The following PPP1R12A variants were observed in gnomAD, a reference collection of about 807,000 sequenced individuals.
The protein encoded by PPP1R12A is protein phosphatase 1 regulatory subunit 12A.
A neutral mutation model predicts 139.6 loss-of-function variants in PPP1R12A; 19 were observed. The ratio of observed to expected loss-of-function variants is 0.14; its 90% CI spans 0.09 to 0.20. The LOEUF (loss-of-function observed/expected upper bound fraction) is 0.20. Ranked by LOEUF, PPP1R12A falls within the 10% of genes least tolerant of loss-of-function variation. The pLI is 1.00. For synonymous variants in PPP1R12A, 427 were observed against 420.6 expected, an observed-to-expected ratio of 1.02 and a Z score of -0.19; for missense variants, 925 against 1,211.5, an observed-to-expected ratio of 0.76 and a Z score of 3.51.
intron 13 of PPP1R12A, 90 bp from the exon 14 acceptor site, chr12:79,805,858 A>G: frequency 1.5e-6 from 2 of 1,328,510 alleles, no homozygotes; most frequent in Non-Finnish European, 2.0e-6. Flanking sequence ...ACACATGACT[A>G]CAGGGATGGA....
chr12:79,864,496 G>T (rs566195667), intron 2 of PPP1R12A, among the ~76,000 whole-genome samples: 1 of 151,988 alleles, frequency 6.6e-6, no homozygotes, highest in African/African-American at 2.4e-5. Context: ...GATCAGAGCA[G>T]AACTGAAGAA....
intron 1 of PPP1R12A, among the ~76,000 whole-genome samples, chr12:79,895,987 G>A (rs2137446464): frequency 8.4e-6 from 1 of 118,656 alleles, no homozygotes; most frequent in Non-Finnish European, 1.9e-5. Context: ...TAAAGAAATG[G>A]TGAAGGTTAA....
At chr12:79,855,431 G>A (rs541912394) in intron 2 of PPP1R12A, among the ~76,000 whole-genome samples, 4 of 152,150 alleles carry the variant, frequency 2.6e-5, no homozygotes, top group South Asian at 2.1e-4. Context: ...ATAGTGCTGC[G>A]ATGAACATAT....
At position 79,802,554 on chromosome 12, in the gene PPP1R12A, G is replaced by A. The variant is rs558512041; in HGVS notation, c.2000+3038C>T. On this transcript the variant is annotated intron_variant, in intron 14 of 24. Coordinates refer to ENST00000450142, the MANE Select transcript of PPP1R12A (RefSeq NM_002480.3). ...TTCCAGCACGCTGGGAGGTCAAGGT[G>A]GGAAGACTGCTTGTGGCCAGGAGTT... Among the ~76,000 whole-genome samples the A allele has an allele frequency of 2.9e-4, 44 of 152,266 alleles. 1 individual carries two copies. Among genetic ancestry groups the A allele is most frequent in the Non-Finnish European group, 5.7e-4 (39 of 68,016 alleles).
chr12:79,866,322 A>G (rs1203330987), intron 2 of PPP1R12A, among the ~76,000 whole-genome samples: 1 of 152,234 alleles, frequency 6.6e-6, no homozygotes. Flanking sequence ...AAATCAACTC[A>G]AGATGGATCA....
chr12:79,837,361 G>T (rs1358703210), intron 3 of PPP1R12A, among the ~76,000 whole-genome samples: 3 of 151,852 alleles, frequency 2.0e-5, no homozygotes, highest in South Asian at 4.2e-4. Flanking sequence ...GATAAATAAA[G>T]AAAATAATTA....
chr12:79,919,695 C>T (rs973844513), intron 1 of PPP1R12A, among the ~76,000 whole-genome samples: 1 of 152,052 alleles, frequency 6.6e-6, no homozygotes, highest in Non-Finnish European at 1.5e-5. Context: ...CTATACACTC[C>T]AGTAGACTAC....
intron 5 of PPP1R12A, among the ~76,000 whole-genome samples, chr12:79,827,295 C>G (rs990993110): frequency 1.3e-5 from 2 of 151,910 alleles, no homozygotes; most frequent in African/African-American, 4.8e-5. Flanking sequence ...ATTTTCATGC[C>G]TGCACATTTC....
chr12:79,784,577 C>T (rs1038178959), intron 22 of PPP1R12A, among the ~76,000 whole-genome samples: 1 of 152,156 alleles, frequency 6.6e-6, no homozygotes, highest in Non-Finnish European at 1.5e-5. Flanking sequence ...CATTAAGTAG[C>T]GGAGACACAG....
At chr12:79,872,726 C>T in intron 2 of PPP1R12A, 82 bp downstream of exon 2, 1 of 1,400,698 alleles carries the variant, frequency 7.1e-7, no homozygotes, top group Non-Finnish European at 9.8e-7. Flanking sequence ...TAAGAGTTCA[C>T]TCATTTATCT....
chr12:79,874,692 C>T (rs1028149505), intron 1 of PPP1R12A, among the ~76,000 whole-genome samples: 1 of 151,926 alleles, frequency 6.6e-6, no homozygotes, highest in African/African-American at 2.4e-5. Flanking sequence ...GAACTACAGC[C>T]CTAAAGTAAA....
At chr12:79,863,031 T>C (rs916236994) in intron 2 of PPP1R12A, among the ~76,000 whole-genome samples, 3 of 151,702 alleles carry the variant, frequency 2.0e-5, no homozygotes, top group African/African-American at 4.8e-5. Flanking sequence ...TTCACCAAAG[T>C]TGAAATGAAG....
rs550551268 is a variant in PPP1R12A at position 79,872,903 on chromosome 12, A to G, written c.273T>C (p.Phe91=). The change falls in exon 2 of 25, where the codon TTT becomes TTC. Residue 91 remains phenylalanine (F), a synonymous_variant. Coordinates refer to ENST00000450142, the MANE Select transcript of PPP1R12A (RefSeq NM_002480.3). The stretch of plus-strand genomic sequence containing the variant: ...TAATATTTGCTCCATTTTCTACCAG[A>G]AACTTCACCATATCAACATTGTCAT... The part of the protein sequence containing the change: ...CIDDNVDMVK[F]LVENGANINQ... 6.2e-7 allele frequency: 1 copy of G among 1,613,450 alleles called. No homozygotes were observed. Among genetic ancestry groups the G allele is most frequent in the African/African-American group, 1.3e-5 (1 of 75,028 alleles).
chr12:79,842,818 C>T (rs1317988203), intron 3 of PPP1R12A, among the ~76,000 whole-genome samples: 1 of 152,120 alleles, frequency 6.6e-6, no homozygotes, highest in East Asian at 1.9e-4. Context: ...ATCCTCCCCC[C>T]TTAGCTGGGA....
At chr12:79,818,112 A>AGT (rs1246123856) in intron 8 of PPP1R12A, among the ~76,000 whole-genome samples, 1 of 152,188 alleles carries the variant, frequency 6.6e-6, no homozygotes, top group East Asian at 1.9e-4. Flanking sequence ...ACAAATAATA[A>AGT]GTGTCCCCAT....
chr12:79,875,164 C>T (rs919245542), intron 1 of PPP1R12A, among the ~76,000 whole-genome samples: 1 of 152,088 alleles, frequency 6.6e-6, no homozygotes, highest in Non-Finnish European at 1.5e-5. Context: ...AATATAAGTA[C>T]TTTATACCTG....
chr12:79,899,369 C>G (rs758094092), intron 1 of PPP1R12A, among the ~76,000 whole-genome samples: 4 of 151,492 alleles, frequency 2.6e-5, no homozygotes, highest in Non-Finnish European at 5.9e-5. Flanking sequence ...GAAAATTTTC[C>G]CATGTCCCTT....
rs373802661 is a variant in PPP1R12A, at chr12:79,805,627, A to G, written c.1965T>C (p.Thr655=). 42 of 1,613,700 alleles carry G rather than the reference A, an allele frequency of 2.6e-5. No individual in the cohort carries two copies. The highest frequency in any genetic ancestry group is 3.5e-5 in the Non-Finnish European group (41 of 1,179,804). Residue 655 remains threonine, a synonymous_variant, in exon 14 of 25, where the codon ACT becomes ACC. Transcript: ENST00000450142. ...CCCTGACCTCTGTTGTGGAGGAGAC[A>G]GTGCCAGCAGTAGTTGTAGTCAGGG... is the stretch of plus-strand genomic sequence containing the variant. ...TTTLTTTTAG[T]VSSTTEVRER...
chr12:79,813,660 G>A (rs1197342430), intron 9 of PPP1R12A, among the ~76,000 whole-genome samples: 2 of 152,090 alleles, frequency 1.3e-5, no homozygotes, highest in Non-Finnish European at 2.9e-5. Flanking sequence ...AAACTTGTTA[G>A]TTAACAATTT....
Sources: allele counts gnomAD v4.1 joint callset (sites outside exome capture counted in the v4.1 genomes callset), GRCh38; gene constraint gnomAD v4.1.1; transcripts MANE v1.5; gene names NCBI Gene and HGNC (gene_info 2026-07-23, HGNC 2026-07-21).